Variants in ADCY3 observed in about 807,000 individuals in gnomAD.
ADCY3 encodes adenylate cyclase type 3.
ADCY3 carries 70 observed loss-of-function variants against 119.4 expected under a neutral mutation model. The observed-to-expected ratio is 0.59, with a 90% CI of 0.48 to 0.72. ADCY3 has a LOEUF of 0.72. ADCY3 is among the 30% of genes least tolerant of loss of function. The pLI is 0.00. For missense variants in ADCY3, 1,238 were observed against 1,541.6 expected (o/e 0.80, Z 3.30); for synonymous variants, 672 against 621.4 (o/e 1.08, Z -1.21).
intron 2 of ADCY3, among the ~76,000 whole-genome samples, chr2:24,883,177 G>A (rs1456430804): frequency 1.3e-5 from 2 of 152,004 alleles, no homozygotes; most frequent in Non-Finnish European, 2.9e-5. Flanking sequence ...GTGAAACCCC[G>A]TCTCTACTAA....
At chr2:24,854,105 G>A (rs1287947752) in intron 3 of ADCY3, among the ~76,000 whole-genome samples, 6 of 152,190 alleles carry the variant, frequency 3.9e-5, no homozygotes. Context: ...GTGGCCTGTG[G>A]TGGCTTCACT....
chr2:24,824,258 C>T, intron 17 of ADCY3, 120 bp downstream of exon 17: 3 of 1,305,740 alleles, frequency 2.3e-6, no homozygotes, highest in South Asian at 3.0e-5. Flanking sequence ...TAGGTTCAGC[C>T]CTACCTAGGC....
chr2:24,910,922 G>A (rs536488091), intron 2 of ADCY3, among the ~76,000 whole-genome samples: 2 of 152,192 alleles, frequency 1.3e-5, no homozygotes, highest in Admixed American at 1.3e-4. Flanking sequence ...CGGGATTACA[G>A]GTGTGAGCCA....
In ADCY3 at chr2:24,841,216, G is replaced by T; in HGVS notation, c.1196+43C>A. On this transcript the variant is annotated intron_variant, in intron 6 of 21. Transcript: ENST00000679454. The surrounding 1 kb of genome is among the most constrained non-coding windows in gnomAD (Gnocchi z 5.8). ...GCTTCTCCCTGGGTCCAGGGCCGGG[G>T]CCCTTGCTCTGGGAGCCTCCCTCCC... 2 of 1,527,728 alleles carry T rather than the reference G, an allele frequency of 1.3e-6. No homozygotes were observed. Among genetic ancestry groups the T allele is most frequent in the Non-Finnish European group, 1.8e-6 (2 of 1,135,878 alleles). The allele number at this position is 1,527,728 out of a possible 1,614,324, so 94.6% of individuals were successfully genotyped here.
At chr2:24,853,054 GT>G (rs1672567596) in intron 3 of ADCY3, among the ~76,000 whole-genome samples, 1 of 122,320 alleles carries the variant, frequency 8.2e-6, no homozygotes. Flanking sequence ...GTGTGTGTGT[GT>G]GTGTGTGTGT....
chr2:24,821,811 T>A (rs1667767375), intron 19 of ADCY3, 171 bp from the exon 20 acceptor site: 21 of 965,736 alleles, frequency 2.2e-5, no homozygotes, highest in Non-Finnish European at 3.2e-5. Context: ...CTTGCCACTG[T>A]GACAAAGTTC....
intron 2 of ADCY3, among the ~76,000 whole-genome samples, chr2:24,894,852 T>G (rs1316550946): frequency 1.3e-5 from 2 of 152,110 alleles, no homozygotes; most frequent in Non-Finnish European, 2.9e-5. Context: ...TATTTCACCT[T>G]CATTTTTGAA....
intron 3 of ADCY3, among the ~76,000 whole-genome samples, chr2:24,853,006 GTGTGTGTGTGT>G (rs1672532236): frequency 1.2e-5 from 1 of 85,448 alleles, no homozygotes; most frequent in Non-Finnish European, 3.1e-5. Flanking sequence ...CAGCTGGAGG[GTGTGTGTGTGT>G]GTGTGTGTGT....
Position 24,866,564 on chromosome 2 carries a change from C to CAAAAAAAAAAAAA in ADCY3, c.825+5993_825+6005dup, listed in dbSNP as rs71397449. Among the ~76,000 whole-genome samples the CAAAAAAAAAAAAA allele has an allele frequency of 4.6e-3, 210 of 45,516 alleles. 1 individual carries two copies. Among genetic ancestry groups the CAAAAAAAAAAAAA allele is most frequent in the Middle Eastern group, 0.016 (1 of 62 alleles). 29.9% of individuals were successfully genotyped at this position (45,516 alleles called of 152,430 possible). Reference sequence around the variant, plus strand: ...TGAGTGACAAAGCAAGACCCTGTCTCAAAAAAAAAAAAAAAAAAAAAGAAA... The same window carrying CAAAAAAAAAAAAA: ...TGAGTGACAAAGCAAGACCCTGTCTCAAAAAAAAAAAAAAAAAAAAAAAAAAAAAAAAAAGAAA... On this transcript the variant is annotated intron_variant, in intron 3 of 21. Transcript: ENST00000679454.
chr2:24,859,471 C>T (rs1179149363), intron 3 of ADCY3, among the ~76,000 whole-genome samples: 1 of 152,208 alleles, frequency 6.6e-6, no homozygotes, highest in African/African-American at 2.4e-5. Context: ...TCTGACTCCC[C>T]TCTCCCCTAC....
intron 3 of ADCY3, among the ~76,000 whole-genome samples, chr2:24,843,289 G>A (rs548947731): frequency 3.8e-4 from 58 of 152,264 alleles, no homozygotes; most frequent in Non-Finnish European, 8.2e-4. Flanking sequence ...CTGGAGTGCA[G>A]TGGTGCAAAC....
chr2:24,897,823 C>T (rs566315303), intron 2 of ADCY3, among the ~76,000 whole-genome samples: 4 of 152,272 alleles, frequency 2.6e-5, no homozygotes, highest in Non-Finnish European at 4.4e-5. Flanking sequence ...CTCCTATACC[C>T]GCTTCGGTGG....
rs1675126009 is a variant in ADCY3, at chr2:24,872,376, G to A, written c.825+194C>T. 6.6e-6 allele frequency among the ~76,000 whole-genome samples: 1 copy of A among 152,170 alleles called. No individual in the cohort carries two copies. Among genetic ancestry groups the A allele is most frequent in the Non-Finnish European group, 1.5e-5 (1 of 68,032 alleles). On this transcript the variant is annotated intron_variant, in intron 3 of 21. Coordinates refer to ENST00000679454, the MANE Select transcript of ADCY3 (RefSeq NM_004036.5). This position sits in a 1 kb window ranked among gnomAD's most constrained non-coding sequence, Gnocchi z 4.4. Reference sequence around the variant, plus strand: ...GCAGAAGCAGATTTAGGAGTGAGAGGCTCCCTGAAGCTCAGAAGCTGCCCT... The same window carrying A: ...GCAGAAGCAGATTTAGGAGTGAGAGACTCCCTGAAGCTCAGAAGCTGCCCT...
intron 17 of ADCY3, among the ~76,000 whole-genome samples, chr2:24,823,991 G>A (rs4665726): frequency 0.43 from 65,710 of 152,152 alleles, 15,866 homozygotes; most frequent in East Asian, 0.59. Context: ...CACTGTGCCC[G>A]GCCACTACTT....
chr2:24,825,195 G>A (rs1230495069), intron 16 of ADCY3, among the ~76,000 whole-genome samples: 3 of 152,102 alleles, frequency 2.0e-5, no homozygotes, highest in Admixed American at 6.5e-5. Context: ...GGTAAGAAGT[G>A]GCTTGGGAAG....
intron 3 of ADCY3, among the ~76,000 whole-genome samples, chr2:24,849,727 C>G (rs570522202): frequency 1.3e-5 from 2 of 152,260 alleles, no homozygotes; most frequent in African/African-American, 4.8e-5. Flanking sequence ...GAAGAAAGGA[C>G]ACACGGAACC....
intron 17 of ADCY3, 71 bp from the exon 18 acceptor site, chr2:24,823,426 C>T: frequency 1.3e-6 from 2 of 1,542,280 alleles, no homozygotes; most frequent in Non-Finnish European, 1.8e-6. Flanking sequence ...AGAAATGCAT[C>T]TATCTTCCAT....
chr2:24,848,280 C>T (rs1481786657), intron 3 of ADCY3, among the ~76,000 whole-genome samples: 1 of 152,226 alleles, frequency 6.6e-6, no homozygotes, highest in African/African-American at 2.4e-5. Flanking sequence ...GCAATCTGTG[C>T]CTTAAGGACA....
chr2:24,842,402 G>A lies in ADCY3; in HGVS notation c.826-18C>T. ...AGGTTCTCCTGTGAGGGGCAGGAGA[G>A]GGTCAGAGGCAAAGGTAGGCCCTGC... On this transcript the variant is annotated intron_variant, in intron 3 of 21. Transcript: ENST00000679454. The surrounding 1 kb of genome is among the most constrained non-coding windows in gnomAD (Gnocchi z 4.9). The A allele has an allele frequency of 1.2e-6, 2 of 1,613,988 alleles. No homozygotes were observed. The highest frequency in any genetic ancestry group is 8.5e-7 in the Non-Finnish European group (1 of 1,179,936).
Sources: allele counts gnomAD v4.1 joint callset (sites outside exome capture counted in the v4.1 genomes callset), GRCh38; gene constraint gnomAD v4.1.1; non-coding constraint Gnocchi (gnomAD v3.1); transcripts MANE v1.5; gene names NCBI Gene and HGNC (gene_info 2026-07-23, HGNC 2026-07-21).